SLIT3: variants seen among roughly 807,000 people sequenced by gnomAD.
SLIT3 encodes slit guidance ligand 3.
In SLIT3, 68 loss-of-function variants were observed where a neutral mutation model predicts 184.0. That is an observed-to-expected ratio of 0.37 (90% CI 0.30 to 0.45). The LOEUF (loss-of-function observed/expected upper bound fraction) is 0.45. Among genes scored for constraint, SLIT3 ranks in the 20% least tolerant of loss-of-function variants. The pLI, the probability that SLIT3 is intolerant of heterozygous loss-of-function variation, is 1.00. For synonymous variants in SLIT3, 831 were observed against 828.6 expected (o/e 1.00, Z -0.05); for missense variants, 1,707 against 2,026.0 (o/e 0.84, Z 3.02).
chr5:169,169,625 C>G (rs78908994), intron 4 of SLIT3, among the ~76,000 whole-genome samples: 7 of 152,150 alleles, frequency 4.6e-5, no homozygotes, highest in Non-Finnish European at 8.8e-5. Flanking sequence ...GTCTCCTTAC[C>G]ACAAATTGGT....
intron 5 of SLIT3, among the ~76,000 whole-genome samples, chr5:168,872,640 C>CTTCTT (rs1554151402): frequency 6.1e-4 from 69 of 112,444 alleles, no homozygotes; most frequent in Non-Finnish European, 1.1e-3. Flanking sequence ...TCTTCTTCTT[C>CTTCTT]TTTTTTTTTT....
intron 4 of SLIT3, among the ~76,000 whole-genome samples, chr5:168,940,247 C>T (rs1762288573): frequency 6.6e-6 from 1 of 152,288 alleles, no homozygotes; most frequent in South Asian, 2.1e-4. Flanking sequence ...GGCTTAAGAA[C>T]AAGTATACTG....
intron 6 of SLIT3, among the ~76,000 whole-genome samples, chr5:168,841,669 T>C (rs1758257135): frequency 6.6e-6 from 1 of 152,170 alleles, no homozygotes; most frequent in Non-Finnish European, 1.5e-5. Context: ...GGTAAAACCA[T>C]TGTCAGCCTC....
intron 4 of SLIT3, among the ~76,000 whole-genome samples, chr5:168,981,982 G>A (rs1754962736): frequency 6.6e-6 from 1 of 152,146 alleles, no homozygotes; most frequent in South Asian, 2.1e-4. Context: ...TGATAGCAAT[G>A]TGACGTTGCT....
At chr5:168,964,486 C>A (rs985983270) in intron 4 of SLIT3, among the ~76,000 whole-genome samples, 2 of 152,160 alleles carry the variant, frequency 1.3e-5, no homozygotes, top group African/African-American at 4.8e-5. Context: ...GATTAGGAGC[C>A]TATGAAACAC....
intron 4 of SLIT3, among the ~76,000 whole-genome samples, chr5:169,079,081 G>A (rs903178152): frequency 3.9e-5 from 6 of 152,266 alleles, no homozygotes; most frequent in Admixed American, 2.6e-4. Flanking sequence ...AAGAGAAGGC[G>A]AGACAGAGAC....
At chr5:169,216,857 G>A (rs1049458872) in intron 3 of SLIT3, among the ~76,000 whole-genome samples, 3 of 152,126 alleles carry the variant, frequency 2.0e-5, no homozygotes, top group South Asian at 2.1e-4. Context: ...GTTTGAAACC[G>A]ACTTATGAGC....
At chr5:169,135,301 G>A (rs1192070087) in intron 4 of SLIT3, among the ~76,000 whole-genome samples, 2 of 152,098 alleles carry the variant, frequency 1.3e-5, no homozygotes, top group Non-Finnish European at 2.9e-5. Context: ...TAGTAGAGAT[G>A]GGGTTTCAGC....
intron 4 of SLIT3, among the ~76,000 whole-genome samples, chr5:169,043,198 G>A (rs867947743): frequency 2.3e-4 from 35 of 152,120 alleles, no homozygotes; most frequent in African/African-American, 8.0e-4. Context: ...TACAGCCAGC[G>A]CAGACCTGGA....
chr5:168,952,571 T>TA (rs70979115), intron 4 of SLIT3, among the ~76,000 whole-genome samples: 3,144 of 51,626 alleles, frequency 0.061, 121 homozygotes, highest in East Asian at 0.27. Context: ...CAAAGGGATT[T>TA]AAAAAAAAAA....
chr5:168,735,164 T>G (rs553914590), intron 20 of SLIT3, among the ~76,000 whole-genome samples: 1 of 152,332 alleles, frequency 6.6e-6, no homozygotes, highest in East Asian at 1.9e-4. Flanking sequence ...GCATTTGGCC[T>G]GCATTTAAAT....
intron 10 of SLIT3, among the ~76,000 whole-genome samples, chr5:168,792,776 G>A (rs754666904): frequency 4.6e-5 from 7 of 152,128 alleles, no homozygotes; most frequent in African/African-American, 7.2e-5. Flanking sequence ...CTGCTTCTCT[G>A]CTTTGATACA....
rs1298794618 is a variant in SLIT3, at chr5:169,253,039, G to C, written c.198-1580C>G. ...CTGAACTAGCTTGTGATGGAGAAAA[G>C]CAGTATTTAGACTTCTCTGGCTAAT... On this transcript the variant is annotated intron_variant, in intron 1 of 35. Transcript: ENST00000519560. Among the ~76,000 whole-genome samples, 4 of 151,698 alleles carry C rather than the reference G, an allele frequency of 2.6e-5. No individual in the cohort carries two copies. The East Asian group carries it at 7.7e-4, about 29-fold the overall frequency.
intron 15 of SLIT3, 63 bp downstream of exon 15, chr5:168,762,476 C>T (rs1372675524): frequency 2.4e-5 from 37 of 1,569,552 alleles, no homozygotes; most frequent in Middle Eastern, 1.7e-4. Flanking sequence ...ACCCTGCCCA[C>T]GCTGGCTCCG....
chr5:169,010,121 C>A (rs1351722037), intron 4 of SLIT3, among the ~76,000 whole-genome samples: 1 of 152,112 alleles, frequency 6.6e-6, no homozygotes, highest in Non-Finnish European at 1.5e-5. Context: ...CAAAGGGGAC[C>A]TAGTGTCATG....
intron 1 of SLIT3, among the ~76,000 whole-genome samples, chr5:169,267,549 T>C (rs1166991732): frequency 1.3e-5 from 2 of 152,242 alleles, no homozygotes; most frequent in Admixed American, 6.5e-5. Flanking sequence ...CTAAAGTTGA[T>C]GTACTTCACT....
At chr5:168,925,424 C>T (rs916539716) in intron 4 of SLIT3, among the ~76,000 whole-genome samples, 57 of 152,154 alleles carry the variant, frequency 3.7e-4, no homozygotes, top group Admixed American at 6.5e-5. Context: ...AGCTCCAGAG[C>T]GACACCATGA....
intron 10 of SLIT3, among the ~76,000 whole-genome samples, chr5:168,792,624 T>A (rs545206024): frequency 3.3e-5 from 5 of 152,186 alleles, no homozygotes; most frequent in Non-Finnish European, 7.3e-5. Context: ...GCTTGTGGAA[T>A]GAGTTGCTCT....
rs554654479 is a variant in SLIT3, at chr5:169,233,303, G to T, written c.341+11402C>A. ...TTCCCAAAGTGCTGGGATTATAGGC[G>T]TGAGCCACCGCGCCCGGTCGGCATT... On this transcript the variant is annotated intron_variant, in intron 3 of 35. Transcript: ENST00000519560. 2.0e-5 allele frequency among the ~76,000 whole-genome samples: 3 copies of T among 152,272 alleles called. No individual in the cohort carries two copies. The South Asian group carries it at 6.2e-4, about 32-fold the overall frequency.
Sources: gnomAD v4.1 joint callset for allele counts (sites outside exome capture counted in the v4.1 genomes callset) on GRCh38, gnomAD v4.1.1 for gene constraint, MANE v1.5 for transcripts, NCBI Gene and HGNC (gene_info 2026-07-23, HGNC 2026-07-21) for gene names.